The following ARAP3 variants were observed in gnomAD, a reference collection of about 807,000 sequenced individuals.
ARAP3 encodes the protein arf-GAP with Rho-GAP domain, ANK repeat and PH domain-containing protein 3.
ARAP3 carries 82 observed loss-of-function variants against 169.2 expected under a neutral mutation model. The observed-to-expected ratio is 0.48, with a 90% CI of 0.41 to 0.58. The LOEUF is 0.58. ARAP3 is among the 20% of genes least tolerant of loss of function. ARAP3 has a pLI of 0.00. For synonymous variants in ARAP3, 791 were observed against 800.3 expected, an observed-to-expected ratio of 0.99 and a Z score of 0.20; for missense variants, 1,764 against 2,018.0, an observed-to-expected ratio of 0.87 and a Z score of 2.41.
intron 4 of ARAP3, 88 bp from the exon 5 acceptor site, chr5:141,673,896 CT>C: frequency 8.3e-7 from 1 of 1,208,140 alleles, no homozygotes; most frequent in Non-Finnish European, 1.2e-6. Context: ...CTCACATCAC[CT>C]AAGAATAGAA....
chr5:141,675,023 T>A (rs1051145969), intron 4 of ARAP3, among the ~76,000 whole-genome samples: 1 of 152,238 alleles, frequency 6.6e-6, no homozygotes, highest in Admixed American at 6.5e-5. Context: ...TGCAAGAACT[T>A]GTACAGTGAG....
Position 141,658,666 on chromosome 5 carries a change from G to A in ARAP3, c.3337-13C>T, listed in dbSNP as rs772699036. The A allele has an allele frequency of 6.4e-7, 1 of 1,572,746 alleles. No individual in the cohort carries two copies. Among genetic ancestry groups the A allele is most frequent in the South Asian group, 1.2e-5 (1 of 84,640 alleles). Reference sequence around the variant, plus strand: ...CAGCCTGAGACAGCTGAGGGGAGGGGTAAAAAAGTCAGAAGGGCAAAAAAA... The same window carrying A: ...CAGCCTGAGACAGCTGAGGGGAGGGATAAAAAAGTCAGAAGGGCAAAAAAA... On this transcript the variant is annotated splice_polypyrimidine_tract_variant and intron_variant, in intron 23 of 32. Transcript: ENST00000239440.
chr5:141,678,035 C>T (rs557124436), intron 4 of ARAP3, among the ~76,000 whole-genome samples: 10 of 152,002 alleles, frequency 6.6e-5, no homozygotes, highest in Admixed American at 1.3e-4. Context: ...GCAAGCTCCG[C>T]CTCCCGGGTT....
rs2099912741 is a variant in ARAP3, at chr5:141,679,885, G to A, written c.525-63C>T. ...GAGGAAGAACAAGCCTTCATGCCCT[G>A]CTCCCCGCCTCCGTCCCCCTCATGC... On this transcript the variant is annotated intron_variant, in intron 2 of 32. Coordinates refer to ENST00000239440, the MANE Select transcript of ARAP3 (RefSeq NM_022481.6). The A allele has an allele frequency of 1.1e-5, 18 of 1,610,558 alleles. No individual in the cohort carries two copies. The South Asian group carries it at 1.9e-4, about 17-fold the overall frequency.
At chr5:141,674,570 T>C (rs2099911898) in intron 4 of ARAP3, among the ~76,000 whole-genome samples, 1 of 152,206 alleles carries the variant, frequency 6.6e-6, no homozygotes, top group Admixed American at 6.5e-5. Flanking sequence ...GATCTGCTTT[T>C]CAAACAGGGG....
chr5:141,667,243 T>C (rs1174547967), intron 16 of ARAP3, among the ~76,000 whole-genome samples: 2 of 151,966 alleles, frequency 1.3e-5, no homozygotes, highest in African/African-American at 4.8e-5. Flanking sequence ...ACCTGAAGAC[T>C]CATGATGCCC....
At chr5:141,654,911 G>C (rs1415763750) in intron 32 of ARAP3, among the ~76,000 whole-genome samples, 1 of 151,766 alleles carries the variant, frequency 6.6e-6, no homozygotes, top group Non-Finnish European at 1.5e-5. Flanking sequence ...AGCTAATTTT[G>C]TATTTTTAGT....
In ARAP3 at chr5:141,656,811, G is replaced by C. The variant is rs1300524977; in HGVS notation, c.3562C>G (p.Gln1188Glu). The change falls in exon 26 of 33, where the codon CAG becomes GAG. Residue 1188 changes from glutamine to glutamate, a missense_variant. Physicochemically the swap from Gln to Glu is conservative, Grantham distance 29. Around this residue, in one of 3 missense-constraint regions of ARAP3, gnomAD observed 1,112 missense variants for 1,285.7 expected, o/e 0.86. Transcript: ENST00000239440. ...GGGAGCTGGCACCATTGTAAAGCCT[G>C]CTCTAAGACCTTTTCCTTGGGATGC... ...PLHPKEKVLE[Q>E]ALQWCQLPEP... 6.2e-7 allele frequency: 1 copy of C among 1,613,194 alleles called. No homozygotes were observed. Among genetic ancestry groups the C allele is most frequent in the Admixed American group, 1.7e-5 (1 of 59,824 alleles).
In ARAP3 at chr5:141,671,922, C is replaced by T. The variant is rs764327477; in HGVS notation, c.1644G>A (p.Thr548=). 4 of 1,614,182 alleles carry T rather than the reference C, an allele frequency of 2.5e-6. No individual in the cohort carries two copies. The highest frequency in any genetic ancestry group is 1.6e-4 in the Middle Eastern group (1 of 6,062). ...ISKVQSLKLD[T]SVWSNEIVQL... is the part of the protein sequence containing the mutation. ...GTACTATCTCATTACTCCAGACACT[C>T]GTGTCCAGCTTCAGGCTCTGCACCT... The change falls in exon 11 of 33, where the codon ACG becomes ACA. Residue 548 remains threonine (T), a synonymous_variant. Coordinates refer to ENST00000239440, the MANE Select transcript of ARAP3 (RefSeq NM_022481.6). The surrounding 1 kb of genome is among the most constrained non-coding windows in gnomAD (Gnocchi z 4.9).
intron 16 of ARAP3, among the ~76,000 whole-genome samples, chr5:141,668,335 C>T (rs1351994574): frequency 6.6e-6 from 1 of 152,198 alleles, no homozygotes; most frequent in Non-Finnish European, 1.5e-5. Context: ...TCAAGCAATC[C>T]TCCCGCCTCA....
intron 19 of ARAP3, among the ~76,000 whole-genome samples, chr5:141,663,439 G>A (rs550255430): frequency 2.6e-4 from 40 of 152,252 alleles, no homozygotes; most frequent in African/African-American, 4.6e-4. Context: ...ACAGGCACCC[G>A]CCACCATGGC....
intron 19 of ARAP3, among the ~76,000 whole-genome samples, chr5:141,664,416 C>T (rs145021839): frequency 1.3e-5 from 2 of 152,178 alleles, no homozygotes; most frequent in East Asian, 3.9e-4. Flanking sequence ...ACCAAAAAAA[C>T]TCACAAAGAA....
At chr5:141,661,899 C>A (rs912395911) in intron 20 of ARAP3, 110 bp from the exon 21 acceptor site, 2 of 1,475,412 alleles carry the variant, frequency 1.4e-6, no homozygotes, top group East Asian at 2.3e-5. Context: ...GTCTCTGCCC[C>A]CTTCCCACCT....
At chr5:141,660,353 G>C (rs1173801165) in intron 21 of ARAP3, among the ~76,000 whole-genome samples, 4 of 151,958 alleles carry the variant, frequency 2.6e-5, no homozygotes, top group Admixed American at 2.0e-4. Flanking sequence ...AATTAGCCGG[G>C]CGTGATGGTG....
chr5:141,660,293 C>T (rs980398833), intron 21 of ARAP3, among the ~76,000 whole-genome samples: 5 of 151,976 alleles, frequency 3.3e-5, no homozygotes, highest in African/African-American at 1.2e-4. Flanking sequence ...GAGATCGAGA[C>T]CATCCTGGCT....
At position 141,659,476 on chromosome 5, in the gene ARAP3, T is replaced by A; in HGVS notation, c.3268A>T (p.Ile1090Phe). The change falls in exon 23 of 33, where the codon ATC becomes TTC. Residue 1090 changes from isoleucine (I) to phenylalanine (F), a missense_variant and splice_region_variant. By Grantham distance (21) the Ile-to-Phe change is conservative. Coordinates refer to ENST00000239440, the MANE Select transcript of ARAP3 (RefSeq NM_022481.6). ...ATCTGAGCTACCTGGTCAGAATCGA[T>A]CTGTGAAAGAGCCAAAAGAGAGTGT... is the stretch of plus-strand genomic sequence containing the variant. The part of the protein sequence containing the change: ...LIDGYISVFD[I>F]DSDQVAQIDL... 1 of 1,614,064 alleles carries A rather than the reference T, an allele frequency of 6.2e-7. No individual in the cohort carries two copies.
Position 141,669,783 on chromosome 5 carries a change from C to A in ARAP3, c.2278G>T (p.Ala760Ser), listed in dbSNP as rs758544678. The change falls in exon 16 of 33, where the codon GCT becomes TCT. Residue 760 changes from alanine (A) to serine (S), a missense_variant. Ala to Ser is a moderately conservative substitution (Grantham distance 99). This residue lies in a region of ARAP3 where 1,112 missense variants were observed against 1,285.7 expected (regional missense o/e 0.86). Coordinates refer to ENST00000239440, the MANE Select transcript of ARAP3 (RefSeq NM_022481.6). ...RFPFSFELIL[A>S]GGRIQHFGTD... ...CCAAAATGCTGGATCCTCCCCCCAG[C>A]GAGGATGAGCTCAAAGGAAAAGGGG... is the stretch of plus-strand genomic sequence containing the variant. The A allele has an allele frequency of 2.2e-5, 35 of 1,614,018 alleles. No individual in the cohort carries two copies. The highest frequency in any genetic ancestry group is 3.0e-5 in the Non-Finnish European group (35 of 1,179,998).
chr5:141,666,547 G>T lies in ARAP3; in HGVS notation c.2449C>A (p.Pro817Thr). Reference protein sequence around the residue: ...LRSPSHTAPAPGLWLSGFGLL... With the variant: ...LRSPSHTAPATGLWLSGFGLL... ...CCAAACCCTGACAGCCAGAGACCAG[G>T]GGCCGGGGCTGTATGGGAGGGGGAC... Residue 817 changes from proline (P) to threonine (T), a missense_variant, in exon 17 of 33, where the codon CCT becomes ACT. Physicochemically the swap from Pro to Thr is conservative, Grantham distance 38. Coordinates refer to ENST00000239440, the MANE Select transcript of ARAP3 (RefSeq NM_022481.6). The T allele has an allele frequency of 6.3e-7, 1 of 1,590,394 alleles. No individual in the cohort carries two copies.
chr5:141,665,093 C>A lies in ARAP3; in HGVS notation c.2637-8G>T. On this transcript the variant is annotated splice_region_variant and splice_polypyrimidine_tract_variant and intron_variant, in intron 18 of 32. Coordinates refer to ENST00000239440, the MANE Select transcript of ARAP3 (RefSeq NM_022481.6). Reference sequence around the variant, plus strand: ...CCTTGCAGATACAGGGTCCTGAGACCCCAGAGGCCTGAATCAGAGCCAGCT... The same window carrying A: ...CCTTGCAGATACAGGGTCCTGAGACACCAGAGGCCTGAATCAGAGCCAGCT... 6.2e-7 allele frequency: 1 copy of A among 1,605,964 alleles called. No individual in the cohort carries two copies.
Sources: allele counts gnomAD v4.1 joint callset (sites outside exome capture counted in the v4.1 genomes callset), GRCh38; gene constraint gnomAD v4.1.1; regional missense constraint gnomAD v4.1.1; non-coding constraint Gnocchi (gnomAD v3.1); transcripts MANE v1.5; gene names NCBI Gene and HGNC (gene_info 2026-07-23, HGNC 2026-07-21).